Variants in SLCO4A1 observed in about 807,000 individuals in gnomAD.
SLCO4A1 encodes colon organic anion transporter.
Under a neutral mutation model 64.6 loss-of-function variants are expected in SLCO4A1, and 51 were observed. That is an observed-to-expected ratio of 0.79 (90% CI 0.63 to 1.00). The LOEUF is 1.00. Ranked by LOEUF, SLCO4A1 falls within the 50% of genes least tolerant of loss-of-function variation. SLCO4A1 has a pLI of 0.00. For missense variants in SLCO4A1, 919 were observed against 980.5 expected (o/e 0.94, Z 0.84); for synonymous variants, 471 against 444.9 (o/e 1.06, Z -0.74).
At chr20:62,683,519 T>C (rs1399112924) in intron 2 of SLCO4A1, among the ~76,000 whole-genome samples, 1 of 152,144 alleles carries the variant, frequency 6.6e-6, no homozygotes, top group Non-Finnish European at 1.5e-5. Context: ...CCTGGAACAA[T>C]GTTCAGGCCA....
chr20:62,646,152 G>T (rs774414781), intron 1 of SLCO4A1, among the ~76,000 whole-genome samples: 3 of 152,146 alleles, frequency 2.0e-5, no homozygotes, highest in Non-Finnish European at 4.4e-5. Context: ...CACATTGGGG[G>T]TCAGGTTTGA....
intron 2 of SLCO4A1, among the ~76,000 whole-genome samples, chr20:62,681,463 C>T: frequency 1.4e-5 from 1 of 72,118 alleles, no homozygotes; most frequent in Non-Finnish European, 2.7e-5. Flanking sequence ...GCCGTGTGTA[C>T]ACACTCGTGT....
chr20:62,668,518 A>C lies in SLCO4A1; in HGVS notation c.1853A>C (p.Gln618Pro), dbSNP rs1252767783. Residue 618 changes from glutamine to proline, a missense_variant, in exon 10 of 12, where the codon CAG (glutamine) becomes CCG (proline). Transcript: ENST00000217159. ...DPQRSFALGIQWIVVRILGGI... is the reference protein window; with the variant it reads ...DPQRSFALGIPWIVVRILGGI... ...CAGAGATCCTTTGCCCTGGGAATCC[A>C]GTGGATTGTAGTTAGAATACTAGGT... 2.5e-6 allele frequency: 4 copies of C among 1,613,812 alleles called. No individual in the cohort carries two copies. Among genetic ancestry groups the C allele is most frequent in the Non-Finnish European group, 3.4e-6 (4 of 1,179,852 alleles).
chr20:62,688,799 C>T (rs759581738), downstream of SLCO4A1, among the ~76,000 whole-genome samples: 33 of 152,216 alleles, frequency 2.2e-4, no homozygotes, highest in Admixed American at 7.8e-4. Context: ...TCAGAAGCAC[C>T]AAACACAGGG....
chr20:62,668,795 C>A (rs189822919), intron 10 of SLCO4A1, 135 bp from the exon 11 acceptor site: 2 of 943,334 alleles, frequency 2.1e-6, no homozygotes, highest in Non-Finnish European at 3.1e-6. Flanking sequence ...TTTAAGCCCT[C>A]TTTGCACCCC....
Position 62,656,719 on chromosome 20 carries a change from T to A in SLCO4A1, c.265T>A (p.Trp89Arg), listed in dbSNP as rs751188903. Reference protein sequence around the residue: ...SAGQSVACGWWAFAPPCLQVL... With the variant: ...SAGQSVACGWRAFAPPCLQVL... Reference sequence around the variant, plus strand: ...CGGGCAGAGCGTGGCGTGCGGCTGGTGGGCCTTCGCACCGCCGTGCCTGCA... The same window carrying A: ...CGGGCAGAGCGTGGCGTGCGGCTGGAGGGCCTTCGCACCGCCGTGCCTGCA... The change falls in exon 2 of 12, where the codon TGG (tryptophan) becomes AGG (arginine). Residue 89 changes from tryptophan (W) to arginine (R), a missense_variant. By Grantham distance (101) the Trp-to-Arg change is moderately radical (BLOSUM62 -3). Transcript: ENST00000217159. 5 of 1,608,048 alleles carry A rather than the reference T, an allele frequency of 3.1e-6. No individual in the cohort carries two copies. The South Asian group carries it at 5.5e-5, about 18-fold the overall frequency.
intron 7 of SLCO4A1, 142 bp downstream of exon 7, chr20:62,666,717 G>T: frequency 1.4e-6 from 1 of 703,032 alleles, no homozygotes; most frequent in East Asian, 2.7e-5. Context: ...GGCAACACCC[G>T]CTCAGCAGGG....
chr20:62,675,433 C>G (rs1987544466), downstream of SLCO4A1, among the ~76,000 whole-genome samples: 1 of 152,194 alleles, frequency 6.6e-6, no homozygotes, highest in African/African-American at 2.4e-5. Context: ...CTCTTGAGCT[C>G]TGCTGCCCTC....
intron 1 of SLCO4A1, among the ~76,000 whole-genome samples, chr20:62,652,576 TCGTGGGTGGC>T (rs1482949271): frequency 6.6e-6 from 1 of 152,220 alleles, no homozygotes; most frequent in Non-Finnish European, 1.5e-5. Flanking sequence ...AGCCTGTGGC[TCGTGGGTGGC>T]CGTGGGTGGC....
At chr20:62,649,667 G>T (rs116582977) in intron 1 of SLCO4A1, 2 of 152,266 alleles carry the variant, frequency 1.3e-5, no homozygotes, top group African/African-American at 2.4e-5. Flanking sequence ...TTCACAGGGG[G>T]TGCAGTCTCC....
chr20:62,676,338 T>C (rs1401676832), downstream of SLCO4A1, among the ~76,000 whole-genome samples: 2 of 152,176 alleles, frequency 1.3e-5, no homozygotes, highest in Non-Finnish European at 2.9e-5. Context: ...GAGGATCGCC[T>C]AAGCCTGGGA....
intron 2 of SLCO4A1, among the ~76,000 whole-genome samples, chr20:62,678,818 G>A (rs1987704090): frequency 6.6e-6 from 1 of 152,220 alleles, no homozygotes; most frequent in Non-Finnish European, 1.5e-5. Flanking sequence ...GAGGTTAGTA[G>A]TGTGTGGTTT....
intron 1 of SLCO4A1, among the ~76,000 whole-genome samples, chr20:62,648,034 G>T (rs1020437447): frequency 6.6e-6 from 1 of 152,232 alleles, no homozygotes; most frequent in East Asian, 1.9e-4. Context: ...ATACACAGGC[G>T]CACACGCACG....
At chr20:62,655,177 C>T (rs962652625) in intron 1 of SLCO4A1, among the ~76,000 whole-genome samples, 2 of 152,160 alleles carry the variant, frequency 1.3e-5, no homozygotes, top group Non-Finnish European at 2.9e-5. Context: ...TTGAGGTCTG[C>T]GAGAAAGACC....
In SLCO4A1 at chr20:62,657,197, G is replaced by A. The variant is rs1488412668; in HGVS notation, c.743G>A (p.Gly248Asp). The A allele has an allele frequency of 1.3e-6, 2 of 1,549,374 alleles. No homozygotes were observed. Among genetic ancestry groups the A allele is most frequent in the East Asian group, 2.4e-5 (1 of 40,910 alleles). ...GVGATPLYTLGVTYLDENVKS... is the reference protein window; with the variant it reads ...GVGATPLYTLDVTYLDENVKS... ...GGTGCCACACCCCTCTACACGCTGG[G>A]CGTCACCTACCTGGATGAGAACGTC... Residue 248 changes from glycine (G) to aspartate (D), a missense_variant, in exon 2 of 12, where the codon GGC becomes GAC. Transcript: ENST00000217159.
At chr20:62,663,053 C>T (rs1414585466) in intron 5 of SLCO4A1, 1 of 152,236 alleles carries the variant, frequency 6.6e-6, no homozygotes, top group Non-Finnish European at 1.5e-5. Context: ...TGGGCTCTCC[C>T]ATTTTAATCA....
At chr20:62,688,105 C>T (rs1017592430), downstream of SLCO4A1, among the ~76,000 whole-genome samples, 1 of 152,008 alleles carries the variant, frequency 6.6e-6, no homozygotes, top group Non-Finnish European at 1.5e-5. Context: ...AGGCTCTCAG[C>T]AGCATAAGAG....
chr20:62,654,391 G>A lies in SLCO4A1; in HGVS notation c.-96-1968G>A, dbSNP rs1983247754. Among the ~76,000 whole-genome samples, 10 of 152,350 alleles carry A rather than the reference G, an allele frequency of 6.6e-5. No homozygotes were observed. The South Asian group carries it at 1.9e-3, about 28-fold the overall frequency. Reference sequence around the variant, plus strand: ...CTGCCCGGGGAACACGGGGGGCACCGGTCCGCCCACCCCAGCCCCAGCGCA... The same window carrying A: ...CTGCCCGGGGAACACGGGGGGCACCAGTCCGCCCACCCCAGCCCCAGCGCA... On this transcript the variant is annotated intron_variant, in intron 1 of 11. Transcript: ENST00000217159.
Position 62,672,183 on chromosome 20 carries a change from G to A in SLCO4A1, c.*290G>A, listed in dbSNP as rs572459485. ...TGTGGTGTGCGTGAGGACAAACTCC[G>A]CAGGGGCTGTGAATCCCACTGGGAG... On this transcript the variant is annotated 3_prime_UTR_variant, in exon 12 of 12. Transcript: ENST00000217159. The A allele has an allele frequency of 3.4e-4, 443 of 1,315,666 alleles. No individual in the cohort carries two copies. The highest frequency in any genetic ancestry group is 4.3e-4 in the Admixed American group (13 of 29,966). The allele number at this position is 1,315,666 out of a possible 1,614,324, so 81.5% of individuals were successfully genotyped here.
Sources: gnomAD v4.1 joint callset for allele counts (sites outside exome capture counted in the v4.1 genomes callset) on GRCh38, gnomAD v4.1.1 for gene constraint, MANE v1.5 for transcripts, NCBI Gene and HGNC (gene_info 2026-07-23, HGNC 2026-07-21) for gene names.